The following ANKRD45 variants were observed in gnomAD, a reference collection of about 807,000 sequenced individuals.
ANKRD45 encodes the protein ankyrin repeat domain-containing protein 45.
ANKRD45 carries 21 observed loss-of-function variants against 28.1 expected under a neutral mutation model. The ratio of observed to expected loss-of-function variants is 0.75; its 90% CI spans 0.53 to 1.08. The LOEUF (loss-of-function observed/expected upper bound fraction) is 1.08, where lower values mean the gene tolerates loss of function less well. Among genes scored for constraint, ANKRD45 ranks in the 50% least tolerant of loss-of-function variants. ANKRD45 has a pLI of 0.00. For missense variants in ANKRD45, 261 were observed against 308.7 expected, an observed-to-expected ratio of 0.85 and a Z score of 1.16; for synonymous variants, 86 against 103.9, an observed-to-expected ratio of 0.83 and a Z score of 1.05.
At chr1:173,675,268 A>G in the ANKRD45 span, 1 of 272,104 alleles carries the variant, frequency 3.7e-6, no homozygotes. Flanking sequence ...ATGGAGAAAA[A>G]AGAAGGAAAA....
chr1:173,704,328 G>A, the ANKRD45 span, among the ~76,000 whole-genome samples: 1 of 152,220 alleles, frequency 6.6e-6, no homozygotes, highest in Non-Finnish European at 1.5e-5. Flanking sequence ...TCTTCCTTGA[G>A]GTCCTGCAAC....
At chr1:173,653,218 T>G (rs1245013411) in intron 2 of ANKRD45, among the ~76,000 whole-genome samples, 1 of 152,248 alleles carries the variant, frequency 6.6e-6, no homozygotes, top group Non-Finnish European at 1.5e-5. Flanking sequence ...CTTTCCTGCT[T>G]TCTCTTGTGG....
At chr1:173,611,542 A>T (rs1291210479) in intron 5 of ANKRD45, among the ~76,000 whole-genome samples, 1 of 151,502 alleles carries the variant, frequency 6.6e-6, no homozygotes, top group Non-Finnish European at 1.5e-5. Context: ...CATGCAAAAG[A>T]ATTAAATTGG....
the ANKRD45 span, among the ~76,000 whole-genome samples, chr1:173,690,062 GCCC>G: frequency 2.2e-3 from 114 of 52,864 alleles, 3 homozygotes; most frequent in African/African-American, 6.0e-3. Context: ...CCTGCCCCCC[GCCC>G]CCCCCCCCCC....
At chr1:173,660,416 G>T (rs924966986) in intron 1 of ANKRD45, among the ~76,000 whole-genome samples, 4 of 152,178 alleles carry the variant, frequency 2.6e-5, no homozygotes, top group Non-Finnish European at 4.4e-5. Context: ...ACTGTTAAAA[G>T]AAATAAATTA....
intron 5 of ANKRD45, among the ~76,000 whole-genome samples, chr1:173,613,032 G>A (rs1667246696): frequency 6.6e-6 from 1 of 152,108 alleles, no homozygotes; most frequent in Admixed American, 6.5e-5. Flanking sequence ...GAAGTGAGGA[G>A]CGTCTCTGCC....
intron 3 of ANKRD45, among the ~76,000 whole-genome samples, chr1:173,634,115 C>T (rs754469154): frequency 6.6e-6 from 1 of 151,864 alleles, no homozygotes; most frequent in Non-Finnish European, 1.5e-5. Flanking sequence ...ATAAGCAGCT[C>T]TAACAACTCA....
intron 2 of ANKRD45, chr1:173,658,205 T>A: frequency 5.3e-6 from 1 of 187,764 alleles, no homozygotes; most frequent in Non-Finnish European, 1.2e-5. Flanking sequence ...ATGCCTGTAG[T>A]CCCAGCTACT....
At chr1:173,630,818 T>TAAAA (rs60007196) in intron 3 of ANKRD45, among the ~76,000 whole-genome samples, 6 of 29,056 alleles carry the variant, frequency 2.1e-4, no homozygotes, top group Non-Finnish European at 3.8e-4. Context: ...AGACTCTGTC[T>TAAAA]AAAAAAAAAA....
chr1:173,647,701 A>C lies in ANKRD45; in HGVS notation c.329-688T>G, dbSNP rs1178880906. 7.2e-5 allele frequency among the ~76,000 whole-genome samples: 11 copies of C among 152,212 alleles called. 1 individual carries two copies. The highest frequency in any genetic ancestry group is 7.2e-4 in the Admixed American group (11 of 15,280). On this transcript the variant is annotated intron_variant, in intron 2 of 5. Transcript: ENST00000333279. ...TACTACAATTCACTTTATTGCACAGAGGGACAATACTCTTAAGCTTTCTAG... is the reference window on the plus strand; with the variant it reads ...TACTACAATTCACTTTATTGCACAGCGGGACAATACTCTTAAGCTTTCTAG...
chr1:173,662,438 G>A (rs531659849), intron 1 of ANKRD45, among the ~76,000 whole-genome samples: 15 of 152,278 alleles, frequency 9.9e-5, no homozygotes, highest in African/African-American at 3.1e-4. Context: ...TTCTTTGGCT[G>A]TAAATAATAC....
the ANKRD45 span, among the ~76,000 whole-genome samples, chr1:173,682,662 A>G: frequency 1.4e-5 from 2 of 146,526 alleles, no homozygotes; most frequent in Admixed American, 1.4e-4. Flanking sequence ...GGAGAGGGAA[A>G]AAACCACGAA....
At chr1:173,618,754 C>T (rs1437496778) in intron 5 of ANKRD45, among the ~76,000 whole-genome samples, 2 of 152,202 alleles carry the variant, frequency 1.3e-5, no homozygotes, top group Non-Finnish European at 2.9e-5. Context: ...CCTAGCAAGA[C>T]AGGCCAACAT....
the ANKRD45 span, among the ~76,000 whole-genome samples, chr1:173,690,583 C>T: frequency 6.6e-6 from 1 of 152,164 alleles, no homozygotes; most frequent in Non-Finnish European, 1.5e-5. Context: ...ACATTACATA[C>T]TCATTCTACC....
At chr1:173,652,398 T>G (rs1270735256) in intron 2 of ANKRD45, among the ~76,000 whole-genome samples, 1 of 152,160 alleles carries the variant, frequency 6.6e-6, no homozygotes, top group African/African-American at 2.4e-5. Context: ...ATGGATTATG[T>G]TTATTGATTT....
intron 2 of ANKRD45, among the ~76,000 whole-genome samples, chr1:173,650,121 T>G (rs569090615): frequency 6.6e-6 from 1 of 152,216 alleles, no homozygotes; most frequent in South Asian, 2.1e-4. Context: ...TTATTATTAT[T>G]ACACTTTAAG....
At chr1:173,697,562 AC>A in the ANKRD45 span, among the ~76,000 whole-genome samples, 15 of 152,216 alleles carry the variant, frequency 9.9e-5, no homozygotes, top group Non-Finnish European at 1.6e-4. Flanking sequence ...ATCCAGCCAA[AC>A]TAAGCTTCAT....
In ANKRD45 at chr1:173,663,677, C is replaced by T. The variant is rs115129312; in HGVS notation, c.-15-4244G>A. On this transcript the variant is annotated intron_variant, in intron 1 of 5. Coordinates refer to ENST00000333279, the MANE Select transcript of ANKRD45 (RefSeq NM_198493.3). Reference sequence around the variant, plus strand: ...TGCAAATTCCAGGAATGCTTAATTCCTTCCCACTGGATTTCAAGCATAATA... The same window carrying T: ...TGCAAATTCCAGGAATGCTTAATTCTTTCCCACTGGATTTCAAGCATAATA... Among the ~76,000 whole-genome samples the T allele has an allele frequency of 8.1e-3, 1,239 of 152,268 alleles. 16 individuals carry two copies. Among genetic ancestry groups the T allele is most frequent in the African/African-American group, 0.028 (1,159 of 41,542 alleles).
At chr1:173,680,470 A>G in the ANKRD45 span, among the ~76,000 whole-genome samples, 1 of 152,050 alleles carries the variant, frequency 6.6e-6, no homozygotes, top group Non-Finnish European at 1.5e-5. Flanking sequence ...GCTCTCACTC[A>G]TAAGTGGGAG....
Sources: gnomAD v4.1 joint callset for allele counts (sites outside exome capture counted in the v4.1 genomes callset) on GRCh38, gnomAD v4.1.1 for gene constraint, MANE v1.5 for transcripts, NCBI Gene and HGNC (gene_info 2026-07-23, HGNC 2026-07-21) for gene names.